A4GALT: variants seen among roughly 807,000 people sequenced by gnomAD.
The protein encoded by A4GALT is lactosylceramide 4-alpha-galactosyltransferase.
For synonymous variants in A4GALT, 257 were observed against 220.7 expected (o/e 1.16, Z -1.46); for missense variants, 512 against 486.0 (o/e 1.05, Z -0.50).
chr22:42,712,286 C>T (rs1320950536), intron 1 of A4GALT, among the ~76,000 whole-genome samples: 4 of 152,168 alleles, frequency 2.6e-5, no homozygotes, highest in Non-Finnish European at 4.4e-5. Context: ...ATCTCAGTTC[C>T]GAAAGCACTG....
Position 42,693,774 on chromosome 22 carries a change from G to T in A4GALT, c.178C>A (p.Pro60Thr), listed in dbSNP as rs780397256. 6 of 1,602,160 alleles carry T rather than the reference G, an allele frequency of 3.7e-6. No individual in the cohort carries two copies. The East Asian group carries it at 1.1e-4, about 30-fold the overall frequency. The change falls in exon 3 of 3, where the codon CCC becomes ACC. Residue 60 changes from proline to threonine, a missense_variant. By Grantham distance (38) the Pro-to-Thr change is conservative (BLOSUM62 -1). Transcript: ENST00000642412. Reference protein sequence around the residue: ...GQLYNLPAEIPCPTLTPPTPP... With the variant: ...GQLYNLPAEITCPTLTPPTPP... ...GTGGGGGGTGTCAAGGTGGGGCAGG[G>T]GATCTCTGCTGGCAGGTTATAGAGC...
chr22:42,693,291 G>A lies in A4GALT; in HGVS notation c.661C>T (p.Leu221=), dbSNP rs754483595. The A allele has an allele frequency of 1.2e-6, 2 of 1,613,104 alleles. No homozygotes were observed. Among genetic ancestry groups the A allele is most frequent in the Non-Finnish European group, 8.5e-7 (1 of 1,179,978 alleles). The change falls in exon 3 of 3, where the codon CTG becomes TTG. Residue 221 remains leucine, a synonymous_variant. Transcript: ENST00000642412. ...AACTCGTGCCGGCGCTCGAAGGCCA[G>A]GAACGCGCCGTTGAGGACGTAGCGG... ...QSRYVLNGAF[L]AFERRHEFMA...
At position 42,705,968 on chromosome 22, in the gene A4GALT, C is replaced by T. The variant is rs1196499995; in HGVS notation, c.-187-10337G>A. 2.8e-5 allele frequency among the ~76,000 whole-genome samples: 3 copies of T among 105,294 alleles called. 1 individual carries two copies. Among genetic ancestry groups the T allele is most frequent in the Non-Finnish European group, 2.2e-5 (1 of 46,258 alleles). 69.1% of individuals were successfully genotyped at this position (105,294 alleles called of 152,430 possible). On this transcript the variant is annotated intron_variant, in intron 1 of 2. Coordinates refer to ENST00000642412, the MANE Select transcript of A4GALT (RefSeq NM_017436.7). ...ACTCGGGAGGCTGAGGCAGGAGAAT[C>T]GCTTGAACCTGGGAAGTGGAGGTTG...
intron 1 of A4GALT, among the ~76,000 whole-genome samples, chr22:42,710,170 AAAG>A (rs1921553003): frequency 6.6e-6 from 1 of 152,196 alleles, no homozygotes; most frequent in African/African-American, 2.4e-5. Context: ...GAATTTGACA[AAAG>A]AAAGAAAACG....
intron 1 of A4GALT, among the ~76,000 whole-genome samples, chr22:42,709,068 T>TATATATATATA (rs1491586642): frequency 4.8e-5 from 2 of 41,312 alleles, no homozygotes; most frequent in Non-Finnish European, 7.9e-5. Context: ...TATATATATA[T>TATATATATATA]TTTTTTTAAG....
At chr22:42,715,208 A>G (rs1922065607) in intron 1 of A4GALT, among the ~76,000 whole-genome samples, 1 of 152,088 alleles carries the variant, frequency 6.6e-6, no homozygotes, top group African/African-American at 2.4e-5. Context: ...TTCATACCAT[A>G]AATTCCAAGG....
intron 1 of A4GALT, among the ~76,000 whole-genome samples, chr22:42,698,246 C>CA (rs11420129): frequency 0.13 from 18,207 of 135,776 alleles, 1,480 homozygotes; most frequent in African/African-American, 0.23. Flanking sequence ...GACTCCGTCT[C>CA]AAAAAAAAAA....
chr22:42,709,272 G>C (rs1921461932), intron 1 of A4GALT, among the ~76,000 whole-genome samples: 1 of 141,676 alleles, frequency 7.1e-6, no homozygotes, highest in African/African-American at 2.6e-5. Flanking sequence ...GGCTGGTCTT[G>C]AATTCCTAGG....
intron 1 of A4GALT, among the ~76,000 whole-genome samples, chr22:42,720,154 G>C (rs1290036727): frequency 6.6e-6 from 1 of 152,016 alleles, no homozygotes; most frequent in Non-Finnish European, 1.5e-5. Flanking sequence ...GGCGCCTGCG[G>C]ATCCGAGGCG....
intron 1 of A4GALT, among the ~76,000 whole-genome samples, chr22:42,703,084 T>TGTGA (rs1555886989): frequency 7.6e-6 from 1 of 131,302 alleles, no homozygotes; most frequent in African/African-American, 3.5e-5. Context: ...TGTGTGTGTG[T>TGTGA]GAGAGAGAGC....
intron 1 of A4GALT, among the ~76,000 whole-genome samples, chr22:42,718,806 G>C (rs902906533): frequency 6.6e-6 from 1 of 152,164 alleles, no homozygotes; most frequent in Non-Finnish European, 1.5e-5. Context: ...AAAATGCAGG[G>C]TGATCAACAG....
At chr22:42,702,260 G>A (rs5996226) in intron 1 of A4GALT, among the ~76,000 whole-genome samples, 4,786 of 152,070 alleles carry the variant, frequency 0.031, 234 homozygotes, top group African/African-American at 0.11. Context: ...AGGACTGAAG[G>A]CACCTAGATG....
intron 2 of A4GALT, among the ~76,000 whole-genome samples, chr22:42,694,226 G>A (rs1318745738): frequency 1.3e-5 from 2 of 152,238 alleles, no homozygotes; most frequent in Admixed American, 6.5e-5. Context: ...CACTCTCTGC[G>A]ACACACCTGT....
intron 1 of A4GALT, 75 bp downstream of exon 1, chr22:42,720,722 G>T (rs1032239795): frequency 6.6e-6 from 1 of 152,266 alleles, no homozygotes; most frequent in Non-Finnish European, 1.5e-5. Flanking sequence ...TTCCCGAGGC[G>T]CCTCCTCCCC....
intron 1 of A4GALT, among the ~76,000 whole-genome samples, chr22:42,714,892 A>G (rs1463906123): frequency 3.3e-5 from 5 of 152,076 alleles, no homozygotes; most frequent in African/African-American, 1.2e-4. Flanking sequence ...TGCTGCTCTG[A>G]AAAGGGGACA....
chr22:42,712,959 C>A (rs965177495), intron 1 of A4GALT, among the ~76,000 whole-genome samples: 1 of 152,106 alleles, frequency 6.6e-6, no homozygotes, highest in Non-Finnish European at 1.5e-5. Flanking sequence ...CCCCCCGCTC[C>A]CCCAGCATCA....
At chr22:42,695,945 A>G (rs577112578) in intron 1 of A4GALT, among the ~76,000 whole-genome samples, 1 of 152,120 alleles carries the variant, frequency 6.6e-6, no homozygotes, top group South Asian at 2.1e-4. Context: ...CAACATGGTG[A>G]AACCTCGTCT....
At chr22:42,707,688 C>A (rs952440108) in intron 1 of A4GALT, among the ~76,000 whole-genome samples, 2 of 152,028 alleles carry the variant, frequency 1.3e-5, no homozygotes, top group African/African-American at 4.8e-5. Context: ...CCAACAAATA[C>A]CAAAACACCA....
Position 42,693,255 on chromosome 22 carries a change from A to C in A4GALT, c.697T>G (p.Cys233Gly). ...FERRHEFMAL[C>G]MRDFVDHYNG... ...TAGTGGTCCACGAAGTCCCGCATGC[A>C]CAGCGCCATGAACTCGTGCCGGCGC... is the stretch of plus-strand genomic sequence containing the variant. Residue 233 changes from cysteine to glycine, a missense_variant, in exon 3 of 3, where the codon TGC (cysteine) becomes GGC (glycine). Transcript: ENST00000642412. 3 of 1,612,580 alleles carry C rather than the reference A, an allele frequency of 1.9e-6. No individual in the cohort carries two copies. Among genetic ancestry groups the C allele is most frequent in the East Asian group, 2.2e-5 (1 of 44,848 alleles).
Sources: allele counts gnomAD v4.1 joint callset (sites outside exome capture counted in the v4.1 genomes callset), GRCh38; gene constraint gnomAD v4.1.1; transcripts MANE v1.5; gene names NCBI Gene and HGNC (gene_info 2026-07-23, HGNC 2026-07-21).